PRDX3: variants seen among roughly 807,000 people sequenced by gnomAD.
PRDX3 encodes the protein peroxiredoxin 3.
In PRDX3, 20 loss-of-function variants were observed where a neutral mutation model predicts 30.4. That is an observed-to-expected ratio of 0.66 (90% CI 0.46 to 0.96). PRDX3 has a LOEUF of 0.96. PRDX3 is among the 40% of genes least tolerant of loss of function. PRDX3 has a pLI of 0.00. For synonymous variants in PRDX3, 124 were observed against 117.8 expected, an observed-to-expected ratio of 1.05 and a Z score of -0.34; for missense variants, 322 against 318.3, an observed-to-expected ratio of 1.01 and a Z score of -0.09.
chr10:119,171,224 TAG>T (rs946240828), intron 5 of PRDX3, among the ~76,000 whole-genome samples: 18 of 152,118 alleles, frequency 1.2e-4, no homozygotes, highest in African/African-American at 4.3e-4. Context: ...GTATTTTTAG[TAG>T]AGACGGGGTT....
chr10:119,176,517 C>T (rs1009111554), intron 2 of PRDX3, among the ~76,000 whole-genome samples: 5 of 152,158 alleles, frequency 3.3e-5, no homozygotes, highest in African/African-American at 1.2e-4. Flanking sequence ...CTTAGCAAAG[C>T]CCATATCCTA....
At chr10:119,175,076 A>T (rs145834675) in intron 2 of PRDX3, among the ~76,000 whole-genome samples, 9 of 152,352 alleles carry the variant, frequency 5.9e-5, no homozygotes, top group African/African-American at 2.2e-4. Flanking sequence ...ATAGTTTTAG[A>T]TTGTGCACAA....
At chr10:119,175,000 T>C (rs1162099329) in intron 2 of PRDX3, among the ~76,000 whole-genome samples, 1 of 152,210 alleles carries the variant, frequency 6.6e-6, no homozygotes, top group Non-Finnish European at 1.5e-5. Context: ...CCTCCCAATA[T>C]TTTCGATTCA....
chr10:119,172,232 A>T (rs1405517906), intron 5 of PRDX3, 150 bp downstream of exon 5: 10 of 654,450 alleles, frequency 1.5e-5, no homozygotes, highest in Non-Finnish European at 2.1e-5. Flanking sequence ...GGCCTCCCAA[A>T]GTGCTACGAT....
At chr10:119,173,333 G>A (rs1847953775) in intron 4 of PRDX3, among the ~76,000 whole-genome samples, 1 of 152,210 alleles carries the variant, frequency 6.6e-6, no homozygotes, top group African/African-American at 2.4e-5. Flanking sequence ...GAGTAGGCCA[G>A]GTGTGGTGGC....
intron 5 of PRDX3, 80 bp from the exon 6 acceptor site, chr10:119,169,422 A>C: frequency 8.4e-7 from 1 of 1,193,664 alleles, no homozygotes; most frequent in Non-Finnish European, 1.2e-6. Flanking sequence ...TTAGGTCTTT[A>C]ATTCTCCTTT....
chr10:119,168,418 A>G lies in PRDX3; in HGVS notation c.*62T>C. Reference sequence around the variant, plus strand: ...TACAAATAACCATCTTGAAAATGATAAAAGCAGGTTTCAACTGTGGTTCTT... The same window carrying G: ...TACAAATAACCATCTTGAAAATGATGAAAGCAGGTTTCAACTGTGGTTCTT... On this transcript the variant is annotated 3_prime_UTR_variant, in exon 7 of 7. Coordinates refer to ENST00000298510, the MANE Select transcript of PRDX3 (RefSeq NM_006793.5). 6.2e-7 allele frequency: 1 copy of G among 1,606,964 alleles called. No individual in the cohort carries two copies. Among genetic ancestry groups the G allele is most frequent in the Non-Finnish European group, 8.5e-7 (1 of 1,178,594 alleles).
Position 119,173,636 on chromosome 10 carries a change from C to A in PRDX3, c.447+101G>T. 5 of 1,349,126 alleles carry A rather than the reference C, an allele frequency of 3.7e-6. 1 individual carries two copies. Among genetic ancestry groups the A allele is most frequent in the Non-Finnish European group, 5.1e-6 (5 of 987,704 alleles). 83.6% of individuals were successfully genotyped at this position (1,349,126 alleles called of 1,614,324 possible). ...AAAAAAAAAAAAAAAAAAAACCCAACCCTTGCGTAATTTGATCTTGATAGT... is the reference window on the plus strand; with the variant it reads ...AAAAAAAAAAAAAAAAAAAACCCAAACCTTGCGTAATTTGATCTTGATAGT... On this transcript the variant is annotated intron_variant, in intron 4 of 6. Transcript: ENST00000298510.
At chr10:119,176,287 GGAGTA>G (rs1393085470) in intron 2 of PRDX3, among the ~76,000 whole-genome samples, 6 of 152,160 alleles carry the variant, frequency 3.9e-5, no homozygotes, top group Non-Finnish European at 8.8e-5. Flanking sequence ...CGAAACCAGT[GGAGTA>G]AAGTTTTAAG....
chr10:119,169,416 G>T, intron 5 of PRDX3, 74 bp from the exon 6 acceptor site: 2 of 1,244,554 alleles, frequency 1.6e-6, no homozygotes, highest in Non-Finnish European at 1.1e-6. Flanking sequence ...TCCCTTTTAG[G>T]TCTTTAATTC....
intron 2 of PRDX3, among the ~76,000 whole-genome samples, chr10:119,176,356 T>C (rs1430413101): frequency 6.6e-6 from 1 of 152,144 alleles, no homozygotes; most frequent in Non-Finnish European, 1.5e-5. Flanking sequence ...GGTAGTAAAA[T>C]TGCGAAAGCT....
In PRDX3 at chr10:119,168,459, G is replaced by A. The variant is rs759356949; in HGVS notation, c.*21C>T. The stretch of plus-strand genomic sequence containing the variant: ...TGTGGTTCTTCTCTCAGTTGAGAAG[G>A]TGCAGATACACATGGGTGATCTACT... On this transcript the variant is annotated 3_prime_UTR_variant, in exon 7 of 7. Coordinates refer to ENST00000298510, the MANE Select transcript of PRDX3 (RefSeq NM_006793.5). 44 of 1,612,982 alleles carry A rather than the reference G, an allele frequency of 2.7e-5. No homozygotes were observed. Among genetic ancestry groups the A allele is most frequent in the African/African-American group, 2.7e-5 (2 of 74,902 alleles).
intron 2 of PRDX3, chr10:119,174,818 T>C (rs1177713086): frequency 2.3e-6 from 1 of 434,602 alleles, no homozygotes; most frequent in East Asian, 3.6e-5. Context: ...CATAAAGTGG[T>C]GATTTGCATA....
intron 2 of PRDX3, 132 bp downstream of exon 2, chr10:119,176,889 C>CA: frequency 9.4e-7 from 1 of 1,066,886 alleles, no homozygotes; most frequent in Non-Finnish European, 1.4e-6. Flanking sequence ...TGGGGTGGGA[C>CA]GGGGGCAGTG....
Position 119,172,371 on chromosome 10 carries a change from C to A in PRDX3, c.551+11G>T, listed in dbSNP as rs575648971. 8.2e-6 allele frequency: 13 copies of A among 1,581,314 alleles called. No individual in the cohort carries two copies. The South Asian group carries it at 1.4e-4, about 17-fold the overall frequency. On this transcript the variant is annotated intron_variant, in intron 5 of 6. Transcript: ENST00000298510. ...AAAATAATCTTAAGTTCATCAGAAA[C>A]AGGATCTTACCTTAGTGCAAGACCA... is the stretch of plus-strand genomic sequence containing the variant.
In PRDX3 at chr10:119,168,403, C is replaced by T; in HGVS notation, c.*77G>A. The T allele has an allele frequency of 6.3e-7, 1 of 1,599,782 alleles. No homozygotes were observed. Among genetic ancestry groups the T allele is most frequent in the East Asian group, 2.2e-5 (1 of 44,596 alleles). ...TGGTTCCTTGCCTTCTACAAATAACCATCTTGAAAATGATAAAAGCAGGTT... is the reference window on the plus strand; with the variant it reads ...TGGTTCCTTGCCTTCTACAAATAACTATCTTGAAAATGATAAAAGCAGGTT... On this transcript the variant is annotated 3_prime_UTR_variant, in exon 7 of 7. Transcript: ENST00000298510.
chr10:119,168,767 G>C (rs542183160), intron 6 of PRDX3, among the ~76,000 whole-genome samples: 1 of 152,196 alleles, frequency 6.6e-6, no homozygotes, highest in Admixed American at 6.5e-5. Context: ...CACGAGGTCA[G>C]GAGATCCAGA....
intron 5 of PRDX3, among the ~76,000 whole-genome samples, chr10:119,171,645 C>T (rs1847909864): frequency 6.6e-6 from 1 of 152,186 alleles, no homozygotes; most frequent in Admixed American, 6.5e-5. Context: ...CAACTGCTGC[C>T]AGTAACTATG....
Position 119,178,811 on chromosome 10 carries a change from A to C in PRDX3, c.-21T>G, listed in dbSNP as rs774412859. ...GCCATCTTCAGTGCACTCGGGCGCC[A>C]CGGGGCGGGCAGAGACGCAGGGGCG... On this transcript the variant is annotated 5_prime_UTR_variant, in exon 1 of 7. Transcript: ENST00000298510. 3 of 1,547,480 alleles carry C rather than the reference A, an allele frequency of 1.9e-6. No homozygotes were observed. Among genetic ancestry groups the C allele is most frequent in the South Asian group, 2.4e-5 (2 of 84,038 alleles).
Sources: gnomAD v4.1 joint callset for allele counts (sites outside exome capture counted in the v4.1 genomes callset) on GRCh38, gnomAD v4.1.1 for gene constraint, MANE v1.5 for transcripts, NCBI Gene and HGNC (gene_info 2026-07-23, HGNC 2026-07-21) for gene names.